F5: variants seen among roughly 807,000 people sequenced by gnomAD.
F5 encodes activated protein c cofactor.
Under a neutral mutation model 216.4 loss-of-function variants are expected in F5, and 138 were observed. The ratio of observed to expected loss-of-function variants is 0.64; its 90% confidence interval spans 0.56 to 0.73. The LOEUF (loss-of-function observed/expected upper bound fraction) is 0.73. Among genes scored for constraint, F5 ranks in the 30% least tolerant of loss-of-function variants. The pLI is 0.00. For missense variants in F5, 2,403 were observed against 2,674.0 expected, an observed-to-expected ratio of 0.90 and a Z score of 2.24; for synonymous variants, 916 against 930.7, an observed-to-expected ratio of 0.98 and a Z score of 0.29.
chr1:169,568,892 G>T (rs1357356365), intron 3 of F5, among the ~76,000 whole-genome samples: 3 of 152,108 alleles, frequency 2.0e-5, no homozygotes, highest in African/African-American at 7.2e-5. Context: ...ACTTATTTTT[G>T]TGAACAACTC....
intron 13 of F5, among the ~76,000 whole-genome samples, chr1:169,537,295 C>T (rs1457890200): frequency 6.6e-6 from 1 of 152,148 alleles, no homozygotes; most frequent in Non-Finnish European, 1.5e-5. Flanking sequence ...TGACAATGGT[C>T]AGATTAATTA....
rs1294790083 is a variant in F5 at position 169,530,980 on chromosome 1, C to T, written c.5014G>A (p.Ala1672Thr). 2 of 1,613,650 alleles carry T rather than the reference C, an allele frequency of 1.2e-6. No individual in the cohort carries two copies. Among genetic ancestry groups the T allele is most frequent in the Non-Finnish European group, 1.7e-6 (2 of 1,179,790 alleles). ...NLASRPYSLH[A>T]HGLSYEKSSE... ...GATTTTTCATAGGAAAGTCCATGGG[C>T]ATGTAGAGAATACGGTCTGGATGCT... Residue 1672 changes from alanine to threonine, a missense_variant, in exon 15 of 25, where the codon GCC becomes ACC. Transcript: ENST00000367797.
At chr1:169,550,050 G>A (rs1379511023) in intron 9 of F5, 35 bp from the exon 10 acceptor site, 3 of 1,516,786 alleles carry the variant, frequency 2.0e-6, no homozygotes, top group Non-Finnish European at 2.7e-6. Flanking sequence ...GTTTTCATTT[G>A]CAAAGTTATT....
chr1:169,512,165 G>A lies in F5; in HGVS notation c.*2148C>T, dbSNP rs369159875. Among the ~76,000 whole-genome samples, 2 of 151,998 alleles carry A rather than the reference G, an allele frequency of 1.3e-5. No individual in the cohort carries two copies. Among genetic ancestry groups the A allele is most frequent in the African/African-American group, 4.8e-5 (2 of 41,408 alleles). On this transcript the variant is annotated 3_prime_UTR_variant, in exon 25 of 25. Coordinates refer to ENST00000367797, the MANE Select transcript of F5 (RefSeq NM_000130.5). Reference sequence around the variant, plus strand: ...TTATGGAAGAGAAAGCAGACTAAAAGTCTAGGGATATGATCATTTGGTTTC... The same window carrying A: ...TTATGGAAGAGAAAGCAGACTAAAAATCTAGGGATATGATCATTTGGTTTC...
chr1:169,568,601 T>A (rs1404273521), intron 3 of F5, among the ~76,000 whole-genome samples: 6 of 152,288 alleles, frequency 3.9e-5, no homozygotes, highest in African/African-American at 1.4e-4. Context: ...ACTATTGTGC[T>A]AGAGCACAAG....
chr1:169,516,287 T>A (rs936909414), intron 23 of F5, among the ~76,000 whole-genome samples: 1 of 152,184 alleles, frequency 6.6e-6, no homozygotes, highest in African/African-American at 2.4e-5. Context: ...ACAAAATGCC[T>A]AATCACATGG....
intron 2 of F5, among the ~76,000 whole-genome samples, chr1:169,581,670 T>G (rs917477700): frequency 3.9e-5 from 6 of 152,196 alleles, no homozygotes; most frequent in African/African-American, 1.4e-4. Context: ...GGGATTCAAC[T>G]GGAGGAAGTT....
intron 23 of F5, among the ~76,000 whole-genome samples, chr1:169,516,788 A>C (rs1395661746): frequency 6.6e-6 from 1 of 152,204 alleles, no homozygotes; most frequent in Non-Finnish European, 1.5e-5. Context: ...CCATATAAAG[A>C]CATTTCATGT....
At chr1:169,535,516 T>A (rs142959052) in intron 14 of F5, among the ~76,000 whole-genome samples, 6 of 152,284 alleles carry the variant, frequency 3.9e-5, no homozygotes, top group Middle Eastern at 6.8e-3. Context: ...ACCCAATAGG[T>A]AGCTTTTCAT....
chr1:169,576,316 C>T lies in F5; in HGVS notation c.251-3973G>A, dbSNP rs143792217. Among the ~76,000 whole-genome samples, 14 of 152,304 alleles carry T rather than the reference C, an allele frequency of 9.2e-5. No individual in the cohort carries two copies. The East Asian group carries it at 9.6e-4, about 10-fold the overall frequency. On this transcript the variant is annotated intron_variant, in intron 2 of 24. Transcript: ENST00000367797. ...TTCCCTACCCCTGTCTTGCCACCCA[C>T]GGTTGTCCTATTCCTTTCCTTGAAC...
chr1:169,535,888 T>G (rs1659693346), intron 14 of F5, among the ~76,000 whole-genome samples: 1 of 152,220 alleles, frequency 6.6e-6, no homozygotes, highest in African/African-American at 2.4e-5. Context: ...AATAGCTTAC[T>G]TTAGAATCAG....
At chr1:169,582,295 T>C (rs1409524458) in intron 2 of F5, 136 bp downstream of exon 2, 2 of 522,918 alleles carry the variant, frequency 3.8e-6, no homozygotes, top group African/African-American at 4.4e-5. Flanking sequence ...CCACATATTA[T>C]GTAGCCAGTA....
intron 14 of F5, among the ~76,000 whole-genome samples, chr1:169,531,454 G>T (rs1039922903): frequency 6.6e-6 from 1 of 152,196 alleles, no homozygotes; most frequent in Admixed American, 6.5e-5. Flanking sequence ...TGCCCTGGAG[G>T]AACAATTTGG....
intron 13 of F5, among the ~76,000 whole-genome samples, chr1:169,538,903 T>C (rs1284844441): frequency 6.6e-6 from 1 of 152,134 alleles, no homozygotes; most frequent in East Asian, 1.9e-4. Flanking sequence ...GGTTGTGATA[T>C]AGTATTATAG....
intron 8 of F5, among the ~76,000 whole-genome samples, chr1:169,551,301 T>G (rs1352855008): frequency 6.6e-6 from 1 of 152,100 alleles, no homozygotes; most frequent in South Asian, 2.1e-4. Context: ...AATACAAAAA[T>G]TAGCCAGGCG....
intron 23 of F5, 88 bp from the exon 24 acceptor site, chr1:169,515,714 C>T: frequency 7.4e-7 from 1 of 1,358,612 alleles, no homozygotes; most frequent in Non-Finnish European, 1.0e-6. Flanking sequence ...AAGCACAGAG[C>T]TCAAAAGGAT....
chr1:169,540,196 A>T, intron 13 of F5, 98 bp downstream of exon 13: 1 of 1,288,000 alleles, frequency 7.8e-7, no homozygotes, highest in South Asian at 1.2e-5. Flanking sequence ...CACTGTTCTT[A>T]GTATAATTTG....
intron 5 of F5, among the ~76,000 whole-genome samples, 179 bp downstream of exon 5, chr1:169,558,974 A>C: frequency 6.6e-6 from 1 of 151,054 alleles, no homozygotes; most frequent in East Asian, 1.9e-4. Flanking sequence ...TTTCTTCTCT[A>C]GCTTCTAATT....
At chr1:169,562,364 C>A (rs916670474) in intron 3 of F5, among the ~76,000 whole-genome samples, 1 of 152,024 alleles carries the variant, frequency 6.6e-6, no homozygotes, top group Non-Finnish European at 1.5e-5. Flanking sequence ...ATCTTTGTCT[C>A]TCTCATTAAA....
Sources: gnomAD v4.1 joint callset for allele counts (sites outside exome capture counted in the v4.1 genomes callset) on GRCh38, gnomAD v4.1.1 for gene constraint, MANE v1.5 for transcripts, NCBI Gene and HGNC (gene_info 2026-07-23, HGNC 2026-07-21) for gene names.